Variants in DNMBP observed in about 807,000 individuals in gnomAD.
DNMBP encodes dynamin binding protein, also known as dynamin-binding protein.
Under a neutral mutation model 150.0 loss-of-function variants are expected in DNMBP, and 87 were observed. The observed-to-expected ratio is 0.58, with a 90% CI of 0.49 to 0.69. The LOEUF is 0.69. Among genes scored for constraint, DNMBP ranks in the 30% least tolerant of loss-of-function variants. The pLI is 0.00. For synonymous variants in DNMBP, 711 were observed against 750.4 expected (o/e 0.95, Z 0.86); for missense variants, 1,774 against 1,949.0 (o/e 0.91, Z 1.69).
At chr10:99,980,709 G>A (rs867027882) in intron 1 of DNMBP, among the ~76,000 whole-genome samples, 5 of 152,114 alleles carry the variant, frequency 3.3e-5, no homozygotes, top group Non-Finnish European at 5.9e-5. Context: ...GGAAGCTGAG[G>A]TGGGAGGGTT....
intron 16 of DNMBP, among the ~76,000 whole-genome samples, chr10:99,878,932 C>A (rs2039315937): frequency 6.6e-6 from 1 of 150,838 alleles, no homozygotes; most frequent in Non-Finnish European, 1.5e-5. Flanking sequence ...ACCATCCTGG[C>A]CAACATAGGG....
intron 4 of DNMBP, among the ~76,000 whole-genome samples, chr10:99,943,932 T>G (rs1290086875): frequency 6.6e-6 from 1 of 152,210 alleles, no homozygotes; most frequent in Non-Finnish European, 1.5e-5. Context: ...GAAATATTAT[T>G]TTCCTGAAAA....
At chr10:99,909,261 C>T (rs1564728205) in intron 4 of DNMBP, 115 bp from the exon 5 acceptor site, 2 of 787,968 alleles carry the variant, frequency 2.5e-6, no homozygotes, top group Non-Finnish European at 4.0e-6. Context: ...TATTGTCAAC[C>T]CTCAGGAAAT....
chr10:99,915,633 T>C (rs1289755310), intron 4 of DNMBP, among the ~76,000 whole-genome samples: 3 of 152,130 alleles, frequency 2.0e-5, no homozygotes, highest in Admixed American at 6.5e-5. Context: ...GAGGATCACC[T>C]GGGCCTTCGA....
chr10:99,881,454 T>G (rs1351216646), intron 15 of DNMBP, among the ~76,000 whole-genome samples: 1 of 152,150 alleles, frequency 6.6e-6, no homozygotes, highest in African/African-American at 2.4e-5. Flanking sequence ...AAGTATAAAT[T>G]AGGGATTGCG....
chr10:99,883,784 A>G (rs754780490), intron 15 of DNMBP, among the ~76,000 whole-genome samples: 2 of 152,174 alleles, frequency 1.3e-5, no homozygotes, highest in Middle Eastern at 3.4e-3. Flanking sequence ...AAGAGCTTGC[A>G]TGATAAGCAA....
chr10:99,919,728 A>G (rs997468987), intron 4 of DNMBP, among the ~76,000 whole-genome samples: 1 of 152,262 alleles, frequency 6.6e-6, no homozygotes, highest in African/African-American at 2.4e-5. Context: ...CGGAGGCTAC[A>G]GTGAGCCAAG....
intron 15 of DNMBP, among the ~76,000 whole-genome samples, chr10:99,883,226 T>A (rs1045348194): frequency 1.1e-4 from 17 of 152,138 alleles, no homozygotes; most frequent in African/African-American, 4.1e-4. Context: ...CTTACTTAAA[T>A]TCTGTAAATC....
intron 1 of DNMBP, among the ~76,000 whole-genome samples, chr10:99,976,959 A>G (rs1490462563): frequency 6.6e-6 from 1 of 152,222 alleles, no homozygotes; most frequent in African/African-American, 2.4e-5. Flanking sequence ...TAAAATATCA[A>G]GTAAAGAATT....
chr10:99,997,069 G>A (rs1278711042), intron 1 of DNMBP, among the ~76,000 whole-genome samples: 1 of 152,154 alleles, frequency 6.6e-6, no homozygotes, highest in Admixed American at 6.5e-5. Flanking sequence ...ACTCTAACAG[G>A]CACTAACAAA....
At position 99,933,382 on chromosome 10, in the gene DNMBP, T is replaced by G. The variant is rs575242112; in HGVS notation, c.2260+21832A>C. 2.0e-5 allele frequency among the ~76,000 whole-genome samples: 3 copies of G among 152,332 alleles called. No homozygotes were observed. In the East Asian group the frequency reaches 5.8e-4, roughly 29 times the overall value. On this transcript the variant is annotated intron_variant, in intron 4 of 16. Transcript: ENST00000324109. ...AAAGTACTTTCCAGGTTCTAAGTTGTGTATGTTTTTGAAGATTCACCTTTA... is the reference window on the plus strand; with the variant it reads ...AAAGTACTTTCCAGGTTCTAAGTTGGGTATGTTTTTGAAGATTCACCTTTA...
chr10:99,930,620 C>T (rs1279286641), intron 4 of DNMBP: 1 of 702,954 alleles, frequency 1.4e-6, no homozygotes, highest in East Asian at 2.7e-5. Context: ...ACCTGGGATC[C>T]AAGTCATTTT....
intron 4 of DNMBP, among the ~76,000 whole-genome samples, chr10:99,933,445 G>A (rs117982684): frequency 6.6e-6 from 1 of 152,284 alleles, no homozygotes; most frequent in Non-Finnish European, 1.5e-5. Flanking sequence ...AATCCATCAG[G>A]TAATAAAGCT....
Position 99,899,980 on chromosome 10 carries a change from C to T in DNMBP, c.2641G>A (p.Glu881Lys). The T allele has an allele frequency of 6.2e-7, 1 of 1,614,142 alleles. No individual in the cohort carries two copies. The highest frequency in any genetic ancestry group is 8.5e-7 in the Non-Finnish European group (1 of 1,180,038). Reference protein sequence around the residue: ...QNHDEAIALLEIYEKDEKIQK... With the variant: ...QNHDEAIALLKIYEKDEKIQK... ...ATCTTCTCATCCTTCTCGTAGATTT[C>T]AAGCAGCGCAATGGCCTCATCATGA... Residue 881 changes from glutamate (E) to lysine (K), a missense_variant, in exon 7 of 17, where the codon GAA (glutamate) becomes AAA (lysine). This residue lies in a region of DNMBP where 1,430 missense variants were observed against 1,492.5 expected (regional missense o/e 0.96). Coordinates refer to ENST00000324109, the MANE Select transcript of DNMBP (RefSeq NM_015221.4).
chr10:99,999,734 T>C (rs1589455291), intron 1 of DNMBP, among the ~76,000 whole-genome samples: 2 of 152,340 alleles, frequency 1.3e-5, no homozygotes, highest in African/African-American at 4.8e-5. Context: ...GCAGAGTATA[T>C]GTAGGGTTGG....
chr10:99,959,694 A>T (rs1397223788), intron 3 of DNMBP, among the ~76,000 whole-genome samples: 2 of 151,396 alleles, frequency 1.3e-5, no homozygotes, highest in African/African-American at 4.9e-5. Context: ...CTCTATTTAA[A>T]ATTTAAAAAA....
At chr10:99,896,206 T>C in intron 10 of DNMBP, 61 bp downstream of exon 10, 25 of 1,580,258 alleles carry the variant, frequency 1.6e-5, no homozygotes, top group Non-Finnish European at 1.7e-5. Context: ...AGGCAGGCTG[T>C]CTCATGGAGC....
In DNMBP at chr10:99,956,653, G is replaced by A. The variant is rs776610175; in HGVS notation, c.821C>T (p.Ala274Val). ...FEVGDKIRILATLEDGWLEGS... is the reference protein window; with the variant it reads ...FEVGDKIRILVTLEDGWLEGS... ...TTCCAGCCAGCCATCTTCCAAGGTC[G>A]CCAGAATTCGGATTTTATCCCCGAC... The change falls in exon 4 of 17, where the codon GCG becomes GTG. Residue 274 changes from alanine (A) to valine (V), a missense_variant. By Grantham distance (64) the Ala-to-Val change is moderately conservative (BLOSUM62 0). Coordinates refer to ENST00000324109, the MANE Select transcript of DNMBP (RefSeq NM_015221.4). 5.6e-6 allele frequency: 9 copies of A among 1,613,712 alleles called. No individual in the cohort carries two copies. Among genetic ancestry groups the A allele is most frequent in the Admixed American group, 1.7e-5 (1 of 59,980 alleles).
intron 1 of DNMBP, among the ~76,000 whole-genome samples, chr10:100,004,066 TA>T (rs2041043404): frequency 2.3e-5 from 3 of 129,598 alleles, no homozygotes; most frequent in Admixed American, 8.0e-5. Context: ...TCCCTATCTC[TA>T]AAAAAATTAC....
Sources: allele counts gnomAD v4.1 joint callset (sites outside exome capture counted in the v4.1 genomes callset), GRCh38; gene constraint gnomAD v4.1.1; regional missense constraint gnomAD v4.1.1; transcripts MANE v1.5; gene names NCBI Gene and HGNC (gene_info 2026-07-23, HGNC 2026-07-21).